The following ACP3 variants were observed in gnomAD, a reference collection of about 807,000 sequenced individuals.
The protein encoded by ACP3 is prostatic acid phosphatase.
A neutral mutation model predicts 45.6 loss-of-function variants in ACP3; 38 were observed. The ratio of observed to expected loss-of-function variants is 0.83; its 90% CI spans 0.64 to 1.09. The LOEUF is 1.09. ACP3 is among the 50% of genes least tolerant of loss of function. The pLI, the probability that ACP3 is intolerant of heterozygous loss-of-function variation, is 0.00. For synonymous variants in ACP3, 162 were observed against 164.7 expected (o/e 0.98, Z 0.13); for missense variants, 466 against 463.2 (o/e 1.01, Z -0.05).
chr3:132,341,663 G>GTT, intron 5 of ACP3, among the ~76,000 whole-genome samples: 1 of 152,306 alleles, frequency 6.6e-6, no homozygotes, highest in African/African-American at 2.4e-5. Context: ...CTCCAGAACA[G>GTT]TTAAAATAGC....
intron 6 of ACP3, among the ~76,000 whole-genome samples, chr3:132,344,188 G>T (rs375896656): frequency 2.7e-5 from 4 of 150,208 alleles, no homozygotes; most frequent in African/African-American, 7.4e-5. Flanking sequence ...TGAGGCAAGA[G>T]AATCGCTTGA....
chr3:132,331,014 T>C (rs1937389571), intron 2 of ACP3, among the ~76,000 whole-genome samples: 1 of 152,226 alleles, frequency 6.6e-6, no homozygotes, highest in African/African-American at 2.4e-5. Flanking sequence ...TCTCAGTGAT[T>C]ACTGTCCATC....
intron 3 of ACP3, 152 bp downstream of exon 3, chr3:132,331,885 C>A: frequency 2.4e-6 from 2 of 818,718 alleles, no homozygotes; most frequent in Non-Finnish European, 3.8e-6. Flanking sequence ...AATTTTTGTT[C>A]CAAAAAGTTT....
At chr3:132,359,889 C>T (rs1017600556), downstream of ACP3, among the ~76,000 whole-genome samples, 8 of 152,198 alleles carry the variant, frequency 5.3e-5, no homozygotes, top group Non-Finnish European at 8.8e-5. Flanking sequence ...GGAGTATTTT[C>T]ACCAAAGAAA....
chr3:132,325,565 G>A (rs1032392982), intron 1 of ACP3, among the ~76,000 whole-genome samples: 10 of 115,602 alleles, frequency 8.7e-5, no homozygotes, highest in Admixed American at 2.5e-4. Context: ...GGTAGTTTCC[G>A]TATCAAGGTT....
intron 2 of ACP3, among the ~76,000 whole-genome samples, chr3:132,329,094 A>G (rs1937354890): frequency 6.6e-6 from 1 of 152,210 alleles, no homozygotes; most frequent in African/African-American, 2.4e-5. Context: ...AGCCATCTTT[A>G]GTCACTGTTC....
intron 9 of ACP3, among the ~76,000 whole-genome samples, chr3:132,354,677 T>C (rs898627684): frequency 6.6e-6 from 1 of 152,162 alleles, no homozygotes; most frequent in Non-Finnish European, 1.5e-5. Context: ...GTATTTTAGA[T>C]TTTCAACCAT....
intron 10 of ACP3, among the ~76,000 whole-genome samples, chr3:132,364,020 A>ATT (rs1938089446): frequency 6.6e-6 from 1 of 151,954 alleles, no homozygotes; most frequent in African/African-American, 2.4e-5. Context: ...GATGACTTCC[A>ATT]TTTGCCCCAC....
intron 9 of ACP3, among the ~76,000 whole-genome samples, chr3:132,355,353 G>A (rs1478896405): frequency 6.6e-6 from 1 of 152,046 alleles, no homozygotes; most frequent in African/African-American, 2.4e-5. Flanking sequence ...ATGGAGTATT[G>A]GTCATCTAGG....
chr3:132,357,752 G>A lies in ACP3; in HGVS notation c.*874G>A, dbSNP rs149980810. ...GATGTTGACTCTAAAGTTGATTTAA[G>A]GCCAGGCATGGTGGTTTACGCCTAT... On this transcript the variant is annotated 3_prime_UTR_variant, in exon 10 of 10. Transcript: ENST00000336375. 6.2e-4 allele frequency: 614 copies of A among 985,292 alleles called. 3 individuals carry two copies. In the African/African-American group the frequency reaches 9.7e-3, roughly 16 times the overall value. 61.0% of individuals were successfully genotyped at this position (985,292 alleles called of 1,614,324 possible).
chr3:132,360,364 C>T (rs973986535), downstream of ACP3, among the ~76,000 whole-genome samples: 3 of 150,878 alleles, frequency 2.0e-5, no homozygotes, highest in East Asian at 1.9e-4. Context: ...CTGAAAAAGC[C>T]GATACAGGAA....
intron 1 of ACP3, among the ~76,000 whole-genome samples, chr3:132,320,711 C>T (rs1937192262): frequency 6.7e-6 from 1 of 149,438 alleles, no homozygotes; most frequent in African/African-American, 2.5e-5. Context: ...AGTGCAATGG[C>T]GTGATCTTGG....
At chr3:132,332,591 T>C in intron 4 of ACP3, 1 of 451,140 alleles carries the variant, frequency 2.2e-6, no homozygotes, top group Non-Finnish European at 4.0e-6. Flanking sequence ...TCTTGGCAAT[T>C]TGCCCCCTCA....
chr3:132,341,061 T>A (rs1937547798), intron 5 of ACP3, among the ~76,000 whole-genome samples: 1 of 152,208 alleles, frequency 6.6e-6, no homozygotes, highest in South Asian at 2.1e-4. Flanking sequence ...CATATATGTC[T>A]TTACATTTTT....
chr3:132,350,160 T>A (rs191576037), intron 8 of ACP3, among the ~76,000 whole-genome samples, 158 bp downstream of exon 8: 1 of 148,252 alleles, frequency 6.7e-6, no homozygotes, highest in African/African-American at 2.5e-5. Context: ...TTCTGTCCTT[T>A]AAGGGATTTA....
chr3:132,365,764 A>G (rs1271758390), intron 10 of ACP3, among the ~76,000 whole-genome samples: 2 of 151,644 alleles, frequency 1.3e-5, no homozygotes, highest in African/African-American at 4.8e-5. Context: ...TGGTGGGTGG[A>G]TCACCTGAAG....
At chr3:132,366,258 C>G (rs147569583) in intron 10 of ACP3, among the ~76,000 whole-genome samples, 2 of 150,794 alleles carry the variant, frequency 1.3e-5, no homozygotes, top group African/African-American at 4.9e-5. Context: ...CAAGATCATG[C>G]CACTGCACTC....
chr3:132,362,285 C>G (rs531264713), downstream of ACP3, among the ~76,000 whole-genome samples: 6 of 152,284 alleles, frequency 3.9e-5, no homozygotes, highest in South Asian at 1.2e-3. Context: ...CTAACACTTT[C>G]CAACATCCTA....
intron 1 of ACP3, among the ~76,000 whole-genome samples, chr3:132,325,595 A>AACACACACACACACACACAC (rs138017217): frequency 0.05 from 7,241 of 143,610 alleles, 251 homozygotes; most frequent in African/African-American, 0.076. Context: ...TCTGATACAA[A>AACACACACACACACACACAC]ACACACACAC....
Sources: gnomAD v4.1 joint callset for allele counts (sites outside exome capture counted in the v4.1 genomes callset) on GRCh38, gnomAD v4.1.1 for gene constraint, MANE v1.5 for transcripts, NCBI Gene and HGNC (gene_info 2026-07-23, HGNC 2026-07-21) for gene names.